Variants in RPRD2 observed in about 807,000 individuals in gnomAD.
RPRD2 encodes the protein regulation of nuclear pre-mRNA domain-containing protein 2.
In RPRD2, 12 loss-of-function variants were observed where a neutral mutation model predicts 104.4. The observed-to-expected ratio is 0.11, with a 90% confidence interval of 0.07 to 0.19. The LOEUF is 0.19. RPRD2 is among the 10% of genes least tolerant of loss of function. The pLI is 1.00. For synonymous variants in RPRD2, 714 were observed against 684.9 expected (o/e 1.04, Z -0.66); for missense variants, 1,543 against 1,790.1 (o/e 0.86, Z 2.49).
At chr1:150,459,974 C>G in intron 8 of RPRD2, 86 bp from the exon 9 acceptor site, 3 of 1,309,782 alleles carry the variant, frequency 2.3e-6, no homozygotes, top group Non-Finnish European at 3.2e-6. Flanking sequence ...CCCCCAAGTC[C>G]GGAAATATTA....
In RPRD2 at chr1:150,471,506, C is replaced by T; in HGVS notation, c.2558C>T (p.Pro853Leu). 6.2e-7 allele frequency: 1 copy of T among 1,613,780 alleles called. No individual in the cohort carries two copies. The highest frequency in any genetic ancestry group is 1.1e-5 in the South Asian group (1 of 91,050). ...GCCATGATGAACCTAGAGAAGAAACCAGCCAAATCTATCCTGAAATCAAGC... is the reference window on the plus strand; with the variant it reads ...GCCATGATGAACCTAGAGAAGAAACTAGCCAAATCTATCCTGAAATCAAGC... ...PSAMMNLEKK[P>L]AKSILKSSKL... is the part of the protein sequence containing the mutation. Residue 853 changes from proline to leucine, a missense_variant, in exon 11 of 11, where the codon CCA (proline) becomes CTA (leucine). Physicochemically the swap from Pro to Leu is moderately conservative, Grantham distance 98. Transcript: ENST00000369068. This position sits in a 1 kb window ranked among gnomAD's most constrained non-coding sequence, Gnocchi z 5.3.
At chr1:150,446,422 T>C in intron 7 of RPRD2, 21 bp downstream of exon 7, 1 of 1,542,896 alleles carries the variant, frequency 6.5e-7, no homozygotes. Flanking sequence ...ATTAAAGCTG[T>C]CTTATACTGA....
chr1:150,441,059 G>C, intron 3 of RPRD2, 36 bp downstream of exon 3: 1 of 1,065,700 alleles, frequency 9.4e-7, no homozygotes, highest in Non-Finnish European at 1.4e-6. Flanking sequence ...GAAAATTTTT[G>C]AGTCAGTCTT....
At chr1:150,389,403 A>G (rs117623026) in intron 1 of RPRD2, among the ~76,000 whole-genome samples, 34 of 152,210 alleles carry the variant, frequency 2.2e-4, no homozygotes, top group East Asian at 1.9e-3. Context: ...ATGTCCCTCA[A>G]TGTGGGTTTG....
At chr1:150,442,033 A>C in intron 4 of RPRD2, 75 bp downstream of exon 4, 1 of 1,168,596 alleles carries the variant, frequency 8.6e-7, no homozygotes, top group Non-Finnish European at 1.2e-6. Flanking sequence ...ACCATTTGAC[A>C]TCGTACCTGG....
rs1208470240 is a variant in RPRD2, at chr1:150,474,436, T to C, written c.*1102T>C. The C allele has an allele frequency of 6.6e-6, 1 of 151,310 alleles. No individual in the cohort carries two copies. Among genetic ancestry groups the C allele is most frequent in the East Asian group, 1.9e-4 (1 of 5,174 alleles). 9.4% of individuals were successfully genotyped at this position (151,310 alleles called of 1,614,324 possible). On this transcript the variant is annotated 3_prime_UTR_variant, in exon 11 of 11. Coordinates refer to ENST00000369068, the MANE Select transcript of RPRD2 (RefSeq NM_015203.5). ...TTTAAAGGAGGAGATTCAGTAGCAT[T>C]TTCCTTTATATTATACACATGTGTC...
rs61486244 is a variant in RPRD2, at chr1:150,473,556, TAAAAA to T, written c.*241_*245del. The T allele has an allele frequency of 5.0e-4, 49 of 98,378 alleles. No homozygotes were observed. Among genetic ancestry groups the T allele is most frequent in the Middle Eastern group, 5.5e-3 (1 of 182 alleles). The allele number at this position is 98,378 out of a possible 1,614,324, so 6.1% of individuals were successfully genotyped here. On this transcript the variant is annotated 3_prime_UTR_variant, in exon 11 of 11. Transcript: ENST00000369068. The stretch of plus-strand genomic sequence containing the variant: ...TCTACCTTCCCCAAGTTGTTTGTAT[TAAAAA>T]AAAAAAAAAAAAAAAAAAGTAAAGA...
intron 10 of RPRD2, among the ~76,000 whole-genome samples, chr1:150,465,808 C>T (rs781912455): frequency 3.9e-5 from 6 of 152,016 alleles, no homozygotes; most frequent in Non-Finnish European, 1.5e-5. Context: ...CCTGTAATCC[C>T]GGCACTTTGG....
chr1:150,473,201 G>T lies in RPRD2; in HGVS notation c.4253G>T (p.Arg1418Leu), dbSNP rs373510243. Residue 1418 changes from arginine (R) to leucine (L), a missense_variant, in exon 11 of 11, where the codon CGG (arginine) becomes CTG (leucine). Arg to Leu is a moderately radical substitution (Grantham distance 102). This residue lies in a region of RPRD2 where 880 missense variants were observed against 885.6 expected (regional missense o/e 0.99). Coordinates refer to ENST00000369068, the MANE Select transcript of RPRD2 (RefSeq NM_015203.5). ...SRSGIILRSP[R>L]PDFRPREPFL... ...AGTGGTATAATCTTACGGAGTCCCCGGCCAGACTTTCGGCCTAGGGAACCT... is the reference window on the plus strand; with the variant it reads ...AGTGGTATAATCTTACGGAGTCCCCTGCCAGACTTTCGGCCTAGGGAACCT... The T allele has an allele frequency of 3.7e-6, 6 of 1,613,930 alleles. No individual in the cohort carries two copies. In the Admixed American group the frequency reaches 8.3e-5, roughly 22 times the overall value.
chr1:150,379,247 C>G (rs1194047745), intron 1 of RPRD2, among the ~76,000 whole-genome samples: 1 of 150,666 alleles, frequency 6.6e-6, no homozygotes, highest in East Asian at 2.0e-4. Context: ...CACGCCGTTG[C>G]ACTCCAGCCT....
chr1:150,366,004 G>GT (rs369670166), intron 1 of RPRD2, among the ~76,000 whole-genome samples: 20 of 152,098 alleles, frequency 1.3e-4, no homozygotes, highest in African/African-American at 4.1e-4. Context: ...CTCCAGTTAT[G>GT]TTTTTTTTGT....
intron 6 of RPRD2, among the ~76,000 whole-genome samples, chr1:150,445,214 A>T (rs1553895322): frequency 6.6e-6 from 1 of 152,164 alleles, no homozygotes; most frequent in East Asian, 1.9e-4. Flanking sequence ...AATTTAACAT[A>T]TATTACCTAA....
chr1:150,371,866 C>G (rs587744648), intron 1 of RPRD2, among the ~76,000 whole-genome samples: 4 of 152,092 alleles, frequency 2.6e-5, no homozygotes, highest in Non-Finnish European at 2.9e-5. Context: ...AAGATTTAGA[C>G]TATATAGATT....
In RPRD2 at chr1:150,446,346, A is replaced by G; in HGVS notation, c.815A>G (p.Glu272Gly). Reference sequence around the variant, plus strand: ...GGACCCTCATTAACAGAAGCACTGGAAAATGCTGGAATTTTCTATGAAGCA... The same window carrying G: ...GGACCCTCATTAACAGAAGCACTGGGAAATGCTGGAATTTTCTATGAAGCA... ...KNGPSLTEAL[E>G]NAGIFYEAQY... The change falls in exon 7 of 11, where the codon GAA becomes GGA. Residue 272 changes from glutamate (E) to glycine (G), a missense_variant. Around this residue, in one of 4 missense-constraint regions of RPRD2, gnomAD observed 572 missense variants for 787.3 expected, o/e 0.73. Coordinates refer to ENST00000369068, the MANE Select transcript of RPRD2 (RefSeq NM_015203.5). 6.2e-7 allele frequency: 1 copy of G among 1,610,572 alleles called. No individual in the cohort carries two copies. The highest frequency in any genetic ancestry group is 8.5e-7 in the Non-Finnish European group (1 of 1,179,282).
intron 1 of RPRD2, among the ~76,000 whole-genome samples, chr1:150,403,559 T>C (rs1663228301): frequency 6.6e-6 from 1 of 152,230 alleles, no homozygotes; most frequent in Admixed American, 6.5e-5. Context: ...ATAATGACTT[T>C]GCAAGGTTCA....
At chr1:150,424,460 G>T (rs2102298839) in intron 2 of RPRD2, among the ~76,000 whole-genome samples, 1 of 151,986 alleles carries the variant, frequency 6.6e-6, no homozygotes, top group East Asian at 1.9e-4. Context: ...GCTAATTTTT[G>T]TATTTTTAGT....
rs1336476462 is a variant in RPRD2 at position 150,471,184 on chromosome 1, A to G, written c.2236A>G (p.Ser746Gly). Reference sequence around the variant, plus strand: ...GATGATGGACAAGCCCACATCCAGCAGTGTAGATACTATGTCCCTGCTTTC... The same window carrying G: ...GATGATGGACAAGCCCACATCCAGCGGTGTAGATACTATGTCCCTGCTTTC... ...DEMMDKPTSS[S>G]VDTMSLLSKI... The change falls in exon 11 of 11, where the codon AGT becomes GGT. Residue 746 changes from serine (S) to glycine (G), a missense_variant. Around this residue, in one of 4 missense-constraint regions of RPRD2, gnomAD observed 572 missense variants for 787.3 expected, o/e 0.73. Coordinates refer to ENST00000369068, the MANE Select transcript of RPRD2 (RefSeq NM_015203.5). The surrounding 1 kb of genome is among the most constrained non-coding windows in gnomAD (Gnocchi z 5.3). 3 of 1,613,938 alleles carry G rather than the reference A, an allele frequency of 1.9e-6. No homozygotes were observed. Among genetic ancestry groups the G allele is most frequent in the Non-Finnish European group, 2.5e-6 (3 of 1,179,884 alleles).
intron 1 of RPRD2, among the ~76,000 whole-genome samples, chr1:150,403,399 G>A (rs1200568893): frequency 2.0e-5 from 3 of 151,968 alleles, no homozygotes; most frequent in Non-Finnish European, 4.4e-5. Context: ...CAGACTGAAC[G>A]CATATACCCA....
At chr1:150,425,088 T>C (rs1665027755) in intron 2 of RPRD2, among the ~76,000 whole-genome samples, 1 of 152,130 alleles carries the variant, frequency 6.6e-6, no homozygotes, top group Non-Finnish European at 1.5e-5. Context: ...TCTATAACTT[T>C]AGATAAATAA....
Sources: gnomAD v4.1 joint callset for allele counts (sites outside exome capture counted in the v4.1 genomes callset) on GRCh38, gnomAD v4.1.1 for gene constraint, gnomAD v4.1.1 regional missense constraint, Gnocchi (gnomAD v3.1) non-coding constraint, MANE v1.5 for transcripts, NCBI Gene and HGNC (gene_info 2026-07-23, HGNC 2026-07-21) for gene names.